Variants in SLC4A10 observed in about 807,000 individuals in gnomAD.
SLC4A10 encodes the protein solute carrier family 4 member 10, also known as sodium-driven chloride bicarbonate exchanger.
SLC4A10 carries 42 observed loss-of-function variants against 137.7 expected under a neutral mutation model. That is an observed-to-expected ratio of 0.30 (90% CI 0.24 to 0.39). The LOEUF (loss-of-function observed/expected upper bound fraction) is 0.39, where lower values mean the gene tolerates loss of function less well. SLC4A10 is among the 10% of genes least tolerant of loss of function. The pLI, the probability that SLC4A10 is intolerant of heterozygous loss-of-function variation, is 1.00. For missense variants in SLC4A10, 925 were observed against 1,355.0 expected (o/e 0.68, Z 4.98); for synonymous variants, 474 against 464.1 (o/e 1.02, Z -0.27).
chr2:161,812,370 A>T (rs1054281584), intron 3 of SLC4A10, among the ~76,000 whole-genome samples: 12 of 150,092 alleles, frequency 8.0e-5, no homozygotes, highest in Admixed American at 2.7e-4. Context: ...TATATCTTTC[A>T]TTTTTTTTTA....
intron 1 of SLC4A10, among the ~76,000 whole-genome samples, chr2:161,727,556 G>C (rs1046686345): frequency 6.6e-6 from 1 of 152,128 alleles, no homozygotes; most frequent in Non-Finnish European, 1.5e-5. Context: ...AAAACCCTTA[G>C]AGAGGACAAG....
intron 1 of SLC4A10, among the ~76,000 whole-genome samples, chr2:161,722,720 G>A (rs1333254225): frequency 6.6e-6 from 1 of 152,184 alleles, no homozygotes; most frequent in Non-Finnish European, 1.5e-5. Context: ...ACTGCTCTGG[G>A]GAAAATCCCC....
At chr2:161,679,838 T>C (rs1317104933) in intron 1 of SLC4A10, among the ~76,000 whole-genome samples, 1 of 152,022 alleles carries the variant, frequency 6.6e-6, no homozygotes. Flanking sequence ...GTAGTCATTC[T>C]ACTGCTTAAA....
chr2:161,954,262 T>C (rs1423714665), intron 19 of SLC4A10, among the ~76,000 whole-genome samples: 2 of 152,196 alleles, frequency 1.3e-5, no homozygotes, highest in African/African-American at 4.8e-5. Flanking sequence ...ATGCAGGAAA[T>C]TGCTGCCAAG....
intron 1 of SLC4A10, among the ~76,000 whole-genome samples, chr2:161,690,659 A>C (rs1416386551): frequency 2.0e-5 from 3 of 151,950 alleles, no homozygotes; most frequent in Non-Finnish European, 4.4e-5. Context: ...TGGATGGAGC[A>C]GAAAGCCTCC....
At chr2:161,811,932 G>A (rs1369362406) in intron 3 of SLC4A10, among the ~76,000 whole-genome samples, 1 of 151,832 alleles carries the variant, frequency 6.6e-6, no homozygotes, top group Non-Finnish European at 1.5e-5. Context: ...ACCATTTTAA[G>A]CAGTTCTCCA....
chr2:161,730,652 G>A lies in SLC4A10; in HGVS notation c.49-40321G>A, dbSNP rs535921977. Among the ~76,000 whole-genome samples, 37 of 152,264 alleles carry A rather than the reference G, an allele frequency of 2.4e-4. 2 individuals carry two copies. In the South Asian group the frequency reaches 5.8e-3, roughly 24 times the overall value. On this transcript the variant is annotated intron_variant, in intron 1 of 26. Transcript: ENST00000446997. ...CAAACAAAGGTTAGTTAGGTGTGTC[G>A]TAGTTGGATATGGTAAGACATTGGA...
intron 4 of SLC4A10, among the ~76,000 whole-genome samples, chr2:161,846,853 C>T (rs2059528451): frequency 6.6e-6 from 1 of 152,042 alleles, no homozygotes; most frequent in African/African-American, 2.4e-5. Context: ...AAAGGTGCAG[C>T]ACAAGGGATT....
In SLC4A10 at chr2:161,984,939, T is replaced by G. The variant is rs914877146; in HGVS notation, c.*1787T>G. ...TAAAAATGATCATAGTGAATTTAAATCTTCACATGATCACCTATTTGAATA... is the reference window on the plus strand; with the variant it reads ...TAAAAATGATCATAGTGAATTTAAAGCTTCACATGATCACCTATTTGAATA... On this transcript the variant is annotated 3_prime_UTR_variant, in exon 27 of 27. Transcript: ENST00000446997. 4 of 152,090 alleles carry G rather than the reference T, an allele frequency of 2.6e-5. No homozygotes were observed. The highest frequency in any genetic ancestry group is 4.4e-5 in the Non-Finnish European group (3 of 67,934). 9.4% of individuals were successfully genotyped at this position (152,090 alleles called of 1,614,324 possible). A position where few individuals can be genotyped will look rare whatever the true frequency, so the allele number is the denominator to read the frequency against.
intron 10 of SLC4A10, among the ~76,000 whole-genome samples, chr2:161,885,645 A>G (rs2062204614): frequency 6.6e-6 from 1 of 152,202 alleles, no homozygotes; most frequent in Admixed American, 6.5e-5. Context: ...GATAAATCAT[A>G]TGATTATGCT....
intron 15 of SLC4A10, among the ~76,000 whole-genome samples, chr2:161,928,895 T>C (rs928294524): frequency 6.6e-6 from 1 of 152,202 alleles, no homozygotes; most frequent in African/African-American, 2.4e-5. Flanking sequence ...TATATACACA[T>C]ATACATTTGT....
rs1270731191 is a variant in SLC4A10, at chr2:161,855,136, T to A, written c.577+6T>A. ...CACTTTAGAAGAAATTGCAGGTATA[T>A]CTTTTCCCCCTTAGTGTATTTTATA... On this transcript the variant is annotated splice_donor_region_variant and intron_variant, in intron 5 of 26. Coordinates refer to ENST00000446997, the MANE Select transcript of SLC4A10 (RefSeq NM_001178015.2). The A allele has an allele frequency of 1.0e-5, 16 of 1,604,542 alleles. No individual in the cohort carries two copies. Among genetic ancestry groups the A allele is most frequent in the Admixed American group, 3.4e-5 (2 of 58,750 alleles).
intron 1 of SLC4A10, among the ~76,000 whole-genome samples, chr2:161,762,570 T>G (rs2050365326): frequency 6.6e-6 from 1 of 152,140 alleles, no homozygotes; most frequent in African/African-American, 2.4e-5. Context: ...ATTTTAGCAT[T>G]AAATCTAAAT....
At chr2:161,739,795 C>T (rs1224194463) in intron 1 of SLC4A10, among the ~76,000 whole-genome samples, 1 of 152,178 alleles carries the variant, frequency 6.6e-6, no homozygotes, top group East Asian at 1.9e-4. Flanking sequence ...GGATTGAGCT[C>T]ATCTCTGCAT....
intron 4 of SLC4A10, among the ~76,000 whole-genome samples, chr2:161,846,390 G>A (rs1172101755): frequency 6.6e-6 from 1 of 152,142 alleles, no homozygotes; most frequent in African/African-American, 2.4e-5. Flanking sequence ...TAAAATGGTA[G>A]AGCCACTTAT....
intron 1 of SLC4A10, among the ~76,000 whole-genome samples, chr2:161,653,003 C>T (rs1385001022): frequency 6.6e-6 from 1 of 152,086 alleles, no homozygotes; most frequent in Non-Finnish European, 1.5e-5. Flanking sequence ...CCTCCCCTAT[C>T]CCCCAATCCC....
chr2:161,947,493 A>C, intron 16 of SLC4A10, 73 bp from the exon 17 acceptor site: 1 of 1,457,650 alleles, frequency 6.9e-7, no homozygotes. Flanking sequence ...ATTGATCAGA[A>C]GGTGTTAGTT....
intron 5 of SLC4A10, among the ~76,000 whole-genome samples, chr2:161,861,672 T>C (rs1219924264): frequency 1.3e-5 from 2 of 152,146 alleles, no homozygotes; most frequent in African/African-American, 4.8e-5. Flanking sequence ...AAGAAAATCT[T>C]GTTCTGGGAA....
chr2:161,933,182 CT>C (rs1349843913), intron 15 of SLC4A10, among the ~76,000 whole-genome samples: 2 of 114,440 alleles, frequency 1.7e-5, no homozygotes, highest in Non-Finnish European at 3.8e-5. Context: ...CCCCTTCCTT[CT>C]TTTCTTTCTT....
Sources: gnomAD v4.1 joint callset for allele counts (sites outside exome capture counted in the v4.1 genomes callset) on GRCh38, gnomAD v4.1.1 for gene constraint, MANE v1.5 for transcripts, NCBI Gene and HGNC (gene_info 2026-07-23, HGNC 2026-07-21) for gene names.